Variants in SLC39A14 observed in about 807,000 individuals in gnomAD.
The protein encoded by SLC39A14 is solute carrier family 39 member 14, also known as metal cation symporter ZIP14.
Under a neutral mutation model 45.5 loss-of-function variants are expected in SLC39A14, and 19 were observed. That is an observed-to-expected ratio of 0.42 (90% CI 0.29 to 0.61). The LOEUF (loss-of-function observed/expected upper bound fraction) is 0.61, where lower values mean the gene tolerates loss of function less well. Among genes scored for constraint, SLC39A14 ranks in the 20% least tolerant of loss-of-function variants. The probability of loss-of-function intolerance (pLI) is 0.22; values close to 1 mark genes in which losing one functional copy is unlikely to be tolerated. For synonymous variants in SLC39A14, 264 were observed against 251.3 expected, an observed-to-expected ratio of 1.05 and a Z score of -0.48; for missense variants, 447 against 616.5, an observed-to-expected ratio of 0.73 and a Z score of 2.91.
chr8:22,393,756 C>G (rs1178022362), intron 1 of SLC39A14, among the ~76,000 whole-genome samples: 4 of 152,008 alleles, frequency 2.6e-5, no homozygotes, highest in Non-Finnish European at 5.9e-5. Context: ...ACTGCAGCCT[C>G]AAACTCCTGG....
chr8:22,417,816 A>G lies in SLC39A14; in HGVS notation c.1313A>G (p.Tyr438Cys). Residue 438 changes from tyrosine to cysteine, a missense_variant, in exon 8 of 9, where the codon TAT becomes TGT. Tyr to Cys is a radical substitution (Grantham distance 194, BLOSUM62 -2). Transcript: ENST00000381237. The part of the protein sequence containing the change: ...IFALAGGMFL[Y>C]ISLADMFPEM... ...GCGCTAGCTGGAGGAATGTTCTTGTATATTTCTCTGGCTGATATGGTAAGT... is the reference window on the plus strand; with the variant it reads ...GCGCTAGCTGGAGGAATGTTCTTGTGTATTTCTCTGGCTGATATGGTAAGT... 6.2e-7 allele frequency: 1 copy of G among 1,613,986 alleles called. No homozygotes were observed.
intron 1 of SLC39A14, among the ~76,000 whole-genome samples, chr8:22,403,122 GCCCGCC>G (rs1373480500): frequency 2.0e-5 from 3 of 151,746 alleles, no homozygotes; most frequent in Non-Finnish European, 4.4e-5. Flanking sequence ...GACTACAGGC[GCCCGCC>G]ACCACACCCG....
At chr8:22,393,149 C>A in intron 1 of SLC39A14, 9 of 972,078 alleles carry the variant, frequency 9.3e-6, no homozygotes, top group Non-Finnish European at 1.1e-5. Context: ...AAATTTCCCA[C>A]CCTGGGTGCG....
At chr8:22,432,460 C>T (rs1006103487) in intron 8 of SLC39A14, among the ~76,000 whole-genome samples, 10 of 147,940 alleles carry the variant, frequency 6.8e-5, no homozygotes, top group South Asian at 6.4e-4. Flanking sequence ...CTTCCTTTTT[C>T]TCTCTCTCTC....
chr8:22,410,050 A>G, intron 3 of SLC39A14: 1 of 1,614,096 alleles, frequency 6.2e-7, no homozygotes, highest in Non-Finnish European at 8.5e-7. Flanking sequence ...CCGTGTGCTC[A>G]CTTACTTCAT....
rs1832726655 is a variant in SLC39A14, at chr8:22,367,963, C to CG, written c.-16+555_-16+556insG. Among the ~76,000 whole-genome samples, 1 of 152,130 alleles carries CG rather than the reference C, an allele frequency of 6.6e-6. No homozygotes were observed. The highest frequency in any genetic ancestry group is 2.1e-4 in the South Asian group (1 of 4,824). ...AATGACCAAGTTAGGTGGTCGGGTT[C>CG]AGGCTGCCCCCTCTTGGTGGGTGAG... is the stretch of plus-strand genomic sequence containing the variant. On this transcript the variant is annotated intron_variant, in intron 1 of 8. Coordinates refer to ENST00000381237, the MANE Select transcript of SLC39A14 (RefSeq NM_001128431.4). The surrounding 1 kb of genome is among the most constrained non-coding windows in gnomAD (Gnocchi z 4.2).
At position 22,420,697 on chromosome 8, in the gene SLC39A14, C is replaced by A. The variant is rs968019249; in HGVS notation, c.*999C>A. Reference sequence around the variant, plus strand: ...GGGTGCCATTTATGCTCTACTTAGACAAGGGTAATCAGAAATGGAATCAGT... The same window carrying A: ...GGGTGCCATTTATGCTCTACTTAGAAAAGGGTAATCAGAAATGGAATCAGT... On this transcript the variant is annotated 3_prime_UTR_variant, in exon 9 of 9. Transcript: ENST00000381237. 2.0e-6 allele frequency: 2 copies of A among 985,352 alleles called. No individual in the cohort carries two copies. The highest frequency in any genetic ancestry group is 2.4e-6 in the Non-Finnish European group (2 of 829,916). 61.0% of individuals were successfully genotyped at this position (985,352 alleles called of 1,614,324 possible).
chr8:22,420,876 C>G lies in SLC39A14; in HGVS notation c.*1178C>G. The G allele has an allele frequency of 4.1e-6, 4 of 985,466 alleles. 1 individual carries two copies. The highest frequency in any genetic ancestry group is 9.4e-5 in the South Asian group (2 of 21,288). The allele number at this position is 985,466 out of a possible 1,614,324, so 61.0% of individuals were successfully genotyped here. A position where few individuals can be genotyped will look rare whatever the true frequency, so the allele number is the denominator to read the frequency against. On this transcript the variant is annotated 3_prime_UTR_variant, in exon 9 of 9. Coordinates refer to ENST00000381237, the MANE Select transcript of SLC39A14 (RefSeq NM_001128431.4). ...ATGCTACAGATGGGTTTTAAATGAC[C>G]CGTCTAGGTTACTGCTTCCTTGCAA...
Position 22,417,831 on chromosome 8 carries a change from A to G in SLC39A14, c.1328A>G (p.Asp443Gly). 6.2e-7 allele frequency: 1 copy of G among 1,613,482 alleles called. No individual in the cohort carries two copies. Among genetic ancestry groups the G allele is most frequent in the Non-Finnish European group, 8.5e-7 (1 of 1,179,896 alleles). ...GGMFLYISLA[D>G]MFPEMNEVCQ... The stretch of plus-strand genomic sequence containing the variant: ...ATGTTCTTGTATATTTCTCTGGCTG[A>G]TATGGTAAGTGTTCCACAGTTCACT... Residue 443 changes from aspartate (D) to glycine (G), a missense_variant, in exon 8 of 9, where the codon GAT becomes GGT. Asp to Gly is a moderately conservative substitution (Grantham distance 94, BLOSUM62 -1). This residue lies in a region of SLC39A14 where 105 missense variants were observed against 188.4 expected (regional missense o/e 0.56). Coordinates refer to ENST00000381237, the MANE Select transcript of SLC39A14 (RefSeq NM_001128431.4).
intron 8 of SLC39A14, among the ~76,000 whole-genome samples, chr8:22,428,166 G>C (rs1342932909): frequency 6.6e-6 from 1 of 151,998 alleles, no homozygotes; most frequent in Non-Finnish European, 1.5e-5. Context: ...GTGTGGTGGC[G>C]CATGCCTGTA....
At chr8:22,407,833 C>A (rs1297257490) in intron 2 of SLC39A14, among the ~76,000 whole-genome samples, 1 of 152,030 alleles carries the variant, frequency 6.6e-6, no homozygotes, top group Admixed American at 6.5e-5. Flanking sequence ...GCCTCAGCCT[C>A]CTCAGTAGTT....
At chr8:22,394,797 C>A (rs7818776) in intron 1 of SLC39A14, among the ~76,000 whole-genome samples, 41,953 of 151,948 alleles carry the variant, frequency 0.28, 6,228 homozygotes, top group East Asian at 0.56. Flanking sequence ...TTTCATGCCC[C>A]AGAATTTCTG....
chr8:22,407,223 C>T (rs963125423), intron 2 of SLC39A14, among the ~76,000 whole-genome samples: 9 of 152,176 alleles, frequency 5.9e-5, no homozygotes, highest in Admixed American at 1.3e-4. Flanking sequence ...GGCAGAGCCC[C>T]GCCCTTAGAC....
In SLC39A14 at chr8:22,420,815, A is replaced by G. The variant is rs985016992; in HGVS notation, c.*1117A>G. 2 of 985,480 alleles carry G rather than the reference A, an allele frequency of 2.0e-6. No individual in the cohort carries two copies. Among genetic ancestry groups the G allele is most frequent in the Non-Finnish European group, 2.4e-6 (2 of 829,932 alleles). 61.0% of individuals were successfully genotyped at this position (985,480 alleles called of 1,614,324 possible). A position where few individuals can be genotyped will look rare whatever the true frequency, so the allele number is the denominator to read the frequency against. On this transcript the variant is annotated 3_prime_UTR_variant, in exon 9 of 9. Transcript: ENST00000381237. ...TAAGGGCACAAACTTCACTTAGGGC[A>G]TCGCAGATGTTTGCAGAATGGTTGG... is the stretch of plus-strand genomic sequence containing the variant.
Position 22,417,888 on chromosome 8 carries a change from A to G in SLC39A14, c.1332+53A>G, listed in dbSNP as rs150651133. ...GAGGGCGGCTAAGGGGATGGATGTTAGGTAGGTAGTTTTTTTTTATTTTTA... is the reference window on the plus strand; with the variant it reads ...GAGGGCGGCTAAGGGGATGGATGTTGGGTAGGTAGTTTTTTTTTATTTTTA... On this transcript the variant is annotated intron_variant, in intron 8 of 8. Transcript: ENST00000381237. The G allele has an allele frequency of 6.8e-6, 10 of 1,461,698 alleles. No homozygotes were observed. In the East Asian group the frequency reaches 1.8e-4, roughly 27 times the overall value. The allele number at this position is 1,461,698 out of a possible 1,614,324, so 90.5% of individuals were successfully genotyped here.
At chr8:22,404,415 A>C in intron 1 of SLC39A14, 1 of 268,200 alleles carries the variant, frequency 3.7e-6, no homozygotes, top group Non-Finnish European at 6.8e-6. Context: ...CAACGAGTGA[A>C]TCTCCCGTCT....
downstream of SLC39A14, among the ~76,000 whole-genome samples, chr8:22,423,866 C>A (rs1271330985): frequency 6.8e-6 from 1 of 147,048 alleles, no homozygotes; most frequent in African/African-American, 2.5e-5. Context: ...AGTTTTATAT[C>A]TATCTAGAGA....
rs573971380 is a variant in SLC39A14, at chr8:22,372,548, A to G, written c.-16+5140A>G. On this transcript the variant is annotated intron_variant, in intron 1 of 8. Transcript: ENST00000381237. Reference sequence around the variant, plus strand: ...AAGTGGAATCGCTGGGTAAAAGGTTAAATCTGTTAATTAGCTTTCACTAAA... The same window carrying G: ...AAGTGGAATCGCTGGGTAAAAGGTTGAATCTGTTAATTAGCTTTCACTAAA... Among the ~76,000 whole-genome samples, 15 of 152,316 alleles carry G rather than the reference A, an allele frequency of 9.8e-5. No homozygotes were observed. The South Asian group carries it at 2.1e-3, about 21-fold the overall frequency.
Position 22,399,249 on chromosome 8 carries a change from C to T in SLC39A14, c.-15-5447C>T, listed in dbSNP as rs180883450. On this transcript the variant is annotated intron_variant, in intron 1 of 8. Transcript: ENST00000381237. ...CGCGCGGACCCCTGCCCGGCCTCCCCGTCCCAGCGGCGTCAACAGCTGTGT... is the reference window on the plus strand; with the variant it reads ...CGCGCGGACCCCTGCCCGGCCTCCCTGTCCCAGCGGCGTCAACAGCTGTGT... Among the ~76,000 whole-genome samples, 28 of 152,346 alleles carry T rather than the reference C, an allele frequency of 1.8e-4. 1 individual carries two copies. In the East Asian group the frequency reaches 4.1e-3, roughly 22 times the overall value.
Sources: gnomAD v4.1 joint callset for allele counts (sites outside exome capture counted in the v4.1 genomes callset) on GRCh38, gnomAD v4.1.1 for gene constraint, gnomAD v4.1.1 regional missense constraint, Gnocchi (gnomAD v3.1) non-coding constraint, MANE v1.5 for transcripts, NCBI Gene and HGNC (gene_info 2026-07-23, HGNC 2026-07-21) for gene names.